The following RNF38 variants were observed in gnomAD, a reference collection of about 807,000 sequenced individuals.
RNF38 encodes E3 ubiquitin-protein ligase RNF38.
A neutral mutation model predicts 67.2 loss-of-function variants in RNF38; 15 were observed. That is an observed-to-expected ratio of 0.22 (90% confidence interval 0.15 to 0.34). RNF38 has a LOEUF of 0.34. Among genes scored for constraint, RNF38 ranks in the 10% least tolerant of loss-of-function variants. The pLI, the probability that RNF38 is intolerant of heterozygous loss-of-function variation, is 1.00. For missense variants in RNF38, 524 were observed against 639.9 expected (o/e 0.82, Z 1.95); for synonymous variants, 220 against 218.8 (o/e 1.01, Z -0.05).
At chr9:36,430,846 T>C (rs1564060127) in intron 1 of RNF38, among the ~76,000 whole-genome samples, 2 of 144,398 alleles carry the variant, frequency 1.4e-5, no homozygotes, top group Non-Finnish European at 3.1e-5. Context: ...TAATGAGGAT[T>C]AAAAAAAAAA....
chr9:36,416,284 G>C (rs563309810), intron 2 of RNF38, among the ~76,000 whole-genome samples: 7 of 152,072 alleles, frequency 4.6e-5, no homozygotes, highest in African/African-American at 1.7e-4. Flanking sequence ...GGTTGCCTCT[G>C]CTGCTTCAAA....
chr9:36,343,189 G>C (rs1160662486), intron 10 of RNF38, among the ~76,000 whole-genome samples: 1 of 152,114 alleles, frequency 6.6e-6, no homozygotes, highest in African/African-American at 2.4e-5. Flanking sequence ...TGAATACAGA[G>C]GGCTTAGTGT....
intron 2 of RNF38, among the ~76,000 whole-genome samples, chr9:36,423,276 G>A (rs751717841): frequency 7.2e-5 from 11 of 152,158 alleles, no homozygotes; most frequent in Non-Finnish European, 1.0e-4. Flanking sequence ...AATGCTATAA[G>A]CTACCACTCT....
chr9:36,478,817 C>CAAAAAA (rs58286962), intron 1 of RNF38, among the ~76,000 whole-genome samples: 1 of 106,090 alleles, frequency 9.4e-6, no homozygotes. Context: ...AACGCTGTCT[C>CAAAAAA]AAAAAAAAAA....
rs35428713 is a variant in RNF38 at position 36,436,818 on chromosome 9, C to CA, written n.242-12136dup. On this transcript the variant is annotated intron_variant and non_coding_transcript_variant, in intron 1 of 3. Coordinates refer to the RNF38 transcript ENST00000488058. The stretch of plus-strand genomic sequence containing the variant: ...GCACGGGCGACAGAGCGAGACTCCT[C>CA]AAAAAAAAAAAAAAAAAAAAAGAAT... Among the ~76,000 whole-genome samples the CA allele has an allele frequency of 6.8e-3, 542 of 80,178 alleles. 7 individuals are homozygous for CA. Among genetic ancestry groups the CA allele is most frequent in the Middle Eastern group, 0.041 (6 of 146 alleles). 52.6% of individuals were successfully genotyped at this position (80,178 alleles called of 152,430 possible). A position where few individuals can be genotyped will look rare whatever the true frequency, so the allele number is the denominator to read the frequency against.
At chr9:36,342,235 C>T (rs941772671) in intron 11 of RNF38, 90 bp downstream of exon 11, 12 of 890,474 alleles carry the variant, frequency 1.3e-5, no homozygotes, top group African/African-American at 4.9e-5. Context: ...TGTCTTCCTT[C>T]CTGTCCACTG....
intron 1 of RNF38, among the ~76,000 whole-genome samples, chr9:36,397,161 C>T (rs763613493): frequency 6.7e-6 from 1 of 148,206 alleles, no homozygotes; most frequent in Non-Finnish European, 1.5e-5. Context: ...AGTGCAGTGG[C>T]GCAATCCTGA....
At chr9:36,440,138 T>G (rs943208608) in intron 1 of RNF38, among the ~76,000 whole-genome samples, 1 of 151,828 alleles carries the variant, frequency 6.6e-6, no homozygotes, top group Non-Finnish European at 1.5e-5. Flanking sequence ...CCCAGGTACT[T>G]GGGAGGCTGA....
At chr9:36,400,745 CG>C (rs563152772), upstream of RNF38, 55 of 985,664 alleles carry the variant, frequency 5.6e-5, 1 homozygote, top group African/African-American at 8.5e-4. Context: ...CACCATCACA[CG>C]GGCCGCGCCA....
At chr9:36,363,145 A>C (rs1834696422) in intron 4 of RNF38, among the ~76,000 whole-genome samples, 1 of 99,872 alleles carries the variant, frequency 1.0e-5, no homozygotes, top group African/African-American at 3.0e-5. Context: ...ACCCAGGCTG[A>C]AGTACAATGG....
intron 1 of RNF38, among the ~76,000 whole-genome samples, chr9:36,395,400 G>GT (rs764215392): frequency 1.3e-5 from 2 of 151,278 alleles, no homozygotes; most frequent in Non-Finnish European, 2.9e-5. Context: ...ATGACATAAC[G>GT]TACTTCTACA....
intron 1 of RNF38, among the ~76,000 whole-genome samples, chr9:36,468,419 T>C (rs943484629): frequency 1.3e-5 from 2 of 152,208 alleles, no homozygotes; most frequent in African/African-American, 4.8e-5. Flanking sequence ...CTAAGAGTTC[T>C]TTATCTGGGG....
intron 2 of RNF38, among the ~76,000 whole-genome samples, chr9:36,380,916 GAAGAT>G (rs1836166105): frequency 6.6e-6 from 1 of 152,202 alleles, no homozygotes; most frequent in African/African-American, 2.4e-5. Flanking sequence ...AAGAGGAATA[GAAGAT>G]AAGGCCTTAT....
At chr9:36,465,928 T>C (rs1299526757) in intron 1 of RNF38, among the ~76,000 whole-genome samples, 2 of 152,020 alleles carry the variant, frequency 1.3e-5, no homozygotes, top group African/African-American at 4.8e-5. Context: ...GGCAGGCACC[T>C]GTAGTCCCAG....
chr9:36,344,990 T>A, intron 9 of RNF38, 37 bp from the exon 10 acceptor site: 1 of 1,591,088 alleles, frequency 6.3e-7, no homozygotes, highest in Non-Finnish European at 8.6e-7. Context: ...TCATCTATCT[T>A]TACATTTTGC....
At chr9:36,432,423 C>T (rs1587127378) in intron 1 of RNF38, among the ~76,000 whole-genome samples, 1 of 152,082 alleles carries the variant, frequency 6.6e-6, no homozygotes, top group Admixed American at 6.5e-5. Context: ...GTTAAGCCAC[C>T]GCGCCTAGCT....
chr9:36,478,163 G>A (rs1840163936), intron 1 of RNF38, among the ~76,000 whole-genome samples: 1 of 151,952 alleles, frequency 6.6e-6, no homozygotes, highest in South Asian at 2.1e-4. Flanking sequence ...TACCAGGCGT[G>A]GTAGCTCACG....
chr9:36,389,772 G>T (rs1327773529), intron 2 of RNF38, among the ~76,000 whole-genome samples: 1 of 152,112 alleles, frequency 6.6e-6, no homozygotes, highest in Non-Finnish European at 1.5e-5. Flanking sequence ...ACTACCTCAG[G>T]TTTATACACA....
At chr9:36,349,880 T>G (rs1280595554) in intron 9 of RNF38, among the ~76,000 whole-genome samples, 1 of 152,202 alleles carries the variant, frequency 6.6e-6, no homozygotes, top group Non-Finnish European at 1.5e-5. Context: ...TCAGACAGTC[T>G]TGCTCTGTCA....
Sources: allele counts gnomAD v4.1 joint callset (sites outside exome capture counted in the v4.1 genomes callset), GRCh38; gene constraint gnomAD v4.1.1; transcripts MANE v1.5; gene names NCBI Gene and HGNC (gene_info 2026-07-23, HGNC 2026-07-21).